The following PTK2 variants were observed in gnomAD, a reference collection of about 807,000 sequenced individuals.
PTK2 encodes focal adhesion kinase 1.
PTK2 carries 45 observed loss-of-function variants against 150.1 expected under a neutral mutation model. The ratio of observed to expected loss-of-function variants is 0.30; its 90% CI spans 0.24 to 0.38. The LOEUF (loss-of-function observed/expected upper bound fraction) is 0.38. PTK2 is among the 10% of genes least tolerant of loss of function. The pLI, the probability that PTK2 is intolerant of heterozygous loss-of-function variation, is 1.00. For synonymous variants in PTK2, 432 were observed against 449.2 expected (o/e 0.96, Z 0.48); for missense variants, 919 against 1,307.3 (o/e 0.70, Z 4.58).
intron 26 of PTK2, 101 bp from the exon 30 acceptor site, chr8:140,686,795 T>C (rs2100020162): frequency 4.9e-6 from 5 of 1,027,452 alleles, no homozygotes; most frequent in Non-Finnish European, 4.4e-6. Flanking sequence ...AATTGTCCTC[T>C]GAATAAGAAG....
intron 10 of PTK2, among the ~76,000 whole-genome samples, chr8:140,813,594 T>C (rs772438797): frequency 4.6e-5 from 7 of 152,010 alleles, no homozygotes; most frequent in Non-Finnish European, 1.0e-4. Context: ...TGCTTTGAAA[T>C]GAATGAGAAC....
chr8:140,744,185 TCAAA>T (rs1035641449), intron 19 of PTK2, among the ~76,000 whole-genome samples: 2 of 152,046 alleles, frequency 1.3e-5, no homozygotes, highest in African/African-American at 2.4e-5. Flanking sequence ...TTACTTGCAT[TCAAA>T]CAGAGACTCA....
chr8:140,949,860 T>C (rs985073360), intron 1 of PTK2, among the ~76,000 whole-genome samples: 3 of 152,154 alleles, frequency 2.0e-5, no homozygotes, highest in African/African-American at 7.2e-5. Context: ...AGGCCACCAG[T>C]TACGGGTGGA....
intron 20 of PTK2, 45 bp from the exon 24 acceptor site, chr8:140,739,152 T>G: frequency 7.6e-7 from 1 of 1,311,136 alleles, no homozygotes; most frequent in Non-Finnish European, 1.1e-6. Context: ...GTTATCTGCT[T>G]AAGAATCTAA....
intron 5 of PTK2, among the ~76,000 whole-genome samples, chr8:140,848,427 G>A (rs1408771471): frequency 6.9e-6 from 1 of 144,352 alleles, no homozygotes; most frequent in African/African-American, 2.6e-5. Flanking sequence ...CTAAGGCTGG[G>A]TGCTCAATAA....
chr8:140,677,924 G>A (rs1172937728), intron 27 of PTK2, among the ~76,000 whole-genome samples: 1 of 152,242 alleles, frequency 6.6e-6, no homozygotes, highest in East Asian at 1.9e-4. Flanking sequence ...GCAGTGGAAG[G>A]AGACAGGTAA....
intron 2 of PTK2, chr8:140,920,943 A>T: frequency 6.8e-7 from 1 of 1,468,170 alleles, no homozygotes; most frequent in Non-Finnish European, 8.9e-7. Context: ...TCAAGCCAGG[A>T]GTCTGCACAC....
At chr8:140,929,166 C>T (rs1161233240) in intron 1 of PTK2, among the ~76,000 whole-genome samples, 3 of 150,262 alleles carry the variant, frequency 2.0e-5, no homozygotes, top group Non-Finnish European at 4.4e-5. Flanking sequence ...GGGGTTTCAC[C>T]ATTTTAGCCG....
chr8:140,668,605 C>G (rs2093797424), intron 29 of PTK2, 181 bp from the exon 34 acceptor site: 2 of 594,784 alleles, frequency 3.4e-6, no homozygotes, highest in Non-Finnish European at 5.4e-6. Flanking sequence ...CTCCAAGTGA[C>G]AAATTAGGCA....
chr8:140,872,553 G>C (rs920864377), intron 4 of PTK2, among the ~76,000 whole-genome samples: 2 of 152,210 alleles, frequency 1.3e-5, no homozygotes, highest in Non-Finnish European at 1.5e-5. Flanking sequence ...GACTGGGGAA[G>C]CGCTGGGGAC....
chr8:140,941,163 A>G (rs1443420889), intron 1 of PTK2, among the ~76,000 whole-genome samples: 1 of 152,204 alleles, frequency 6.6e-6, no homozygotes, highest in African/African-American at 2.4e-5. Flanking sequence ...GCGTACCAGC[A>G]CACTTTTAAG....
At chr8:140,991,471 T>C (rs574724118) in intron 1 of PTK2, among the ~76,000 whole-genome samples, 1 of 152,340 alleles carries the variant, frequency 6.6e-6, no homozygotes, top group Admixed American at 6.5e-5. Context: ...CATAAAACAT[T>C]CAAAATCCCT....
At chr8:140,730,965 C>CT (rs398010103) in intron 22 of PTK2, among the ~76,000 whole-genome samples, 28 of 82,586 alleles carry the variant, frequency 3.4e-4, no homozygotes, top group Admixed American at 5.3e-4. Context: ...CCCCCCCCCC[C>CT]TTTTTTTTTT....
At chr8:140,808,733 G>GTTTTTT (rs57600032) in intron 10 of PTK2, among the ~76,000 whole-genome samples, 34 of 116,556 alleles carry the variant, frequency 2.9e-4, no homozygotes, top group Non-Finnish European at 4.2e-4. Context: ...TTTTGTTCTT[G>GTTTTTT]TTTTTTTTTT....
intron 18 of PTK2, 79 bp downstream of exon 21, chr8:140,746,680 TA>T: frequency 1.9e-6 from 2 of 1,071,636 alleles, no homozygotes; most frequent in Non-Finnish European, 2.8e-6. Flanking sequence ...ATCCAAGATA[TA>T]AACTGTTTAT....
intron 14 of PTK2, among the ~76,000 whole-genome samples, chr8:140,767,457 T>C (rs1050630308): frequency 2.0e-5 from 3 of 152,052 alleles, no homozygotes. Flanking sequence ...GAGTTTCATA[T>C]GTATGGTAAT....
intron 14 of PTK2, 106 bp downstream of exon 16, chr8:140,769,469 C>A: frequency 1.4e-6 from 1 of 693,790 alleles, no homozygotes; most frequent in Admixed American, 3.0e-5. Context: ...GTACTTGGTT[C>A]TGTTGGATCA....
rs535164622 is a variant in PTK2 at position 140,880,101 on chromosome 8, T to TA, written c.196-465dup. Among the ~76,000 whole-genome samples, 300 of 152,270 alleles carry TA rather than the reference T, an allele frequency of 2.0e-3. 2 individuals are homozygous for TA. The highest frequency in any genetic ancestry group is 6.9e-3 in the African/African-American group (288 of 41,562). ...GCTGCAACATTCATAATCATTTTTT[T>TA]AAAAAAACATACATTCAGGAACACA... On this transcript the variant is annotated intron_variant, in intron 3 of 31. Coordinates refer to ENST00000522684, the Ensembl canonical transcript of PTK2.
intron 10 of PTK2, among the ~76,000 whole-genome samples, chr8:140,814,416 G>A (rs778516348): frequency 1.5e-4 from 23 of 152,146 alleles, no homozygotes; most frequent in Admixed American, 9.8e-4. Flanking sequence ...CAAAATATTA[G>A]CAAACCAAAC....
Sources: gnomAD v4.1 joint callset for allele counts (sites outside exome capture counted in the v4.1 genomes callset) on GRCh38, gnomAD v4.1.1 for gene constraint, MANE v1.5 for transcripts, NCBI Gene and HGNC (gene_info 2026-07-23, HGNC 2026-07-21) for gene names.